The following TTLL11 variants were observed in gnomAD, a reference collection of about 807,000 sequenced individuals.
The protein encoded by TTLL11 is tubulin polyglutamylase TTLL11.
TTLL11 carries 42 observed loss-of-function variants against 51.7 expected under a neutral mutation model. That is an observed-to-expected ratio of 0.81 (90% confidence interval 0.64 to 1.05). The LOEUF (loss-of-function observed/expected upper bound fraction) is 1.05, where lower values mean the gene tolerates loss of function less well. TTLL11 is among the 50% of genes least tolerant of loss of function. The probability of loss-of-function intolerance (pLI) is 0.00; values close to 1 mark genes in which losing one functional copy is unlikely to be tolerated. For missense variants in TTLL11, 799 were observed against 940.4 expected (o/e 0.85, Z 1.97); for synonymous variants, 381 against 383.5 (o/e 0.99, Z 0.08).
intron 6 of TTLL11, among the ~76,000 whole-genome samples, chr9:121,903,502 T>G (rs1279989712): frequency 6.6e-6 from 1 of 152,206 alleles, no homozygotes; most frequent in African/African-American, 2.4e-5. Context: ...GTCACTGAGA[T>G]GCTGTGTGAC....
rs115664761 is a variant in TTLL11, at chr9:121,976,124, A to G, written c.1270-1145T>C. ...GTTCAAAAAGGATGAACAGTTTCAC[A>G]TAGTTAAACCAAGCTCAGAGCCCTT... On this transcript the variant is annotated intron_variant, in intron 4 of 8. Transcript: ENST00000321582. Among the ~76,000 whole-genome samples, 285 of 152,316 alleles carry G rather than the reference A, an allele frequency of 1.9e-3. 1 individual carries two copies. The highest frequency in any genetic ancestry group is 6.8e-3 in the Middle Eastern group (2 of 294).
chr9:121,882,237 C>T (rs1161303597), intron 6 of TTLL11, among the ~76,000 whole-genome samples: 1 of 152,096 alleles, frequency 6.6e-6, no homozygotes, highest in East Asian at 1.9e-4. Context: ...TCCAGGGAGG[C>T]TAGGTCAAGG....
intron 6 of TTLL11, among the ~76,000 whole-genome samples, chr9:121,972,519 C>G (rs945061211): frequency 1.3e-5 from 2 of 152,232 alleles, no homozygotes; most frequent in African/African-American, 4.8e-5. Context: ...TACAGGTAAA[C>G]ATTCTCAGCC....
rs554804721 is a variant in TTLL11, at chr9:121,980,172, C to A, written c.1270-5193G>T. Among the ~76,000 whole-genome samples, 3 of 132,552 alleles carry A rather than the reference C, an allele frequency of 2.3e-5. No homozygotes were observed. In the South Asian group the frequency reaches 6.8e-4, roughly 30 times the overall value. The allele number at this position is 132,552 out of a possible 152,430, so 87.0% of individuals were successfully genotyped here. ...GCATTTGGTGATCTACCTAGGAGGG[C>A]CAGGGGGGCCTTTCTTTTTTCATTT... On this transcript the variant is annotated intron_variant, in intron 4 of 8. Transcript: ENST00000321582.
chr9:121,911,591 G>A (rs1001116326), intron 6 of TTLL11, among the ~76,000 whole-genome samples: 2 of 152,076 alleles, frequency 1.3e-5, no homozygotes, highest in African/African-American at 4.8e-5. Context: ...ATATACCATG[G>A]AATACTATGA....
Position 121,998,348 on chromosome 9 carries a change from G to A in TTLL11, c.694-8578C>T, listed in dbSNP as rs139163703. 3.6e-3 allele frequency among the ~76,000 whole-genome samples: 555 copies of A among 152,132 alleles called. 6 individuals are homozygous for A. The highest frequency in any genetic ancestry group is 0.011 in the African/African-American group (468 of 41,488). On this transcript the variant is annotated intron_variant, in intron 3 of 8. Coordinates refer to ENST00000321582, the MANE Select transcript of TTLL11 (RefSeq NM_001139442.2). ...GTCACCCAGGCTGGAGTGCAATGGC[G>A]TGATCTCGGCTCACTGCAACCTCCG...
chr9:121,937,960 C>T (rs1023364083), intron 6 of TTLL11, among the ~76,000 whole-genome samples: 1 of 152,088 alleles, frequency 6.6e-6, no homozygotes, highest in African/African-American at 2.4e-5. Flanking sequence ...CAGCTGACAT[C>T]ACACTCAACA....
intron 1 of TTLL11, among the ~76,000 whole-genome samples, chr9:122,072,843 A>T (rs1202378109): frequency 1.3e-5 from 2 of 151,972 alleles, no homozygotes; most frequent in Non-Finnish European, 2.9e-5. Context: ...TCCCTGTAAC[A>T]TCGCGCTTCC....
intron 6 of TTLL11, among the ~76,000 whole-genome samples, chr9:121,878,962 T>C (rs1170490157): frequency 1.3e-5 from 2 of 152,182 alleles, no homozygotes; most frequent in African/African-American, 4.8e-5. Flanking sequence ...CAGGGCATGG[T>C]TGAAATCCCA....
intron 6 of TTLL11, among the ~76,000 whole-genome samples, chr9:121,935,377 A>T (rs1841163355): frequency 6.6e-6 from 1 of 152,198 alleles, no homozygotes; most frequent in South Asian, 2.1e-4. Flanking sequence ...TGATGACAAT[A>T]CTTTTGACTC....
chr9:121,826,479 A>ATATATATATGTGTG lies in TTLL11; in HGVS notation c.1841-3601_1841-3600insCACACATATATATA, dbSNP rs546692201. 5.5e-4 allele frequency among the ~76,000 whole-genome samples: 29 copies of ATATATATATGTGTG among 52,616 alleles called. No individual in the cohort carries two copies. The Middle Eastern group carries it at 0.031, about 56-fold the overall frequency. 34.5% of individuals were successfully genotyped at this position (52,616 alleles called of 152,430 possible). ...TATATATATGTGTGTATATATATAT[A>ATATATATATGTGTG]TGTATATATATATATGTGTGTGTAT... On this transcript the variant is annotated intron_variant, in intron 8 of 8. Coordinates refer to ENST00000321582, the MANE Select transcript of TTLL11 (RefSeq NM_001139442.2).
chr9:121,847,125 G>A (rs1837538921), intron 8 of TTLL11, among the ~76,000 whole-genome samples: 1 of 151,422 alleles, frequency 6.6e-6, no homozygotes, highest in Non-Finnish European at 1.5e-5. Context: ...CAGAAGAATG[G>A]CGTGAACCCG....
intron 6 of TTLL11, among the ~76,000 whole-genome samples, chr9:121,956,757 G>C (rs1842032932): frequency 6.6e-6 from 1 of 152,246 alleles, no homozygotes; most frequent in South Asian, 2.1e-4. Flanking sequence ...AAACATGTCA[G>C]AAATGCAAAT....
chr9:121,904,176 ATTC>A (rs1352780357), intron 6 of TTLL11, among the ~76,000 whole-genome samples: 1 of 150,090 alleles, frequency 6.7e-6, no homozygotes, highest in African/African-American at 2.5e-5. Flanking sequence ...GCTTTGATAC[ATTC>A]TTTTTTTTTT....
intron 7 of TTLL11, among the ~76,000 whole-genome samples, chr9:121,863,826 G>A (rs1838095527): frequency 6.6e-6 from 1 of 152,178 alleles, no homozygotes; most frequent in Admixed American, 6.5e-5. Flanking sequence ...GAGATGGGAC[G>A]TGACTTGCCC....
intron 8 of TTLL11, among the ~76,000 whole-genome samples, chr9:121,831,252 G>A (rs947406821): frequency 6.6e-6 from 1 of 152,218 alleles, no homozygotes; most frequent in Non-Finnish European, 1.5e-5. Context: ...CCTCACCCTG[G>A]GGATTCTGTC....
At chr9:121,848,303 T>C (rs942452414) in intron 8 of TTLL11, among the ~76,000 whole-genome samples, 7 of 152,082 alleles carry the variant, frequency 4.6e-5, no homozygotes, top group African/African-American at 1.7e-4. Context: ...AAAAATCTTA[T>C]AGTTTAATGG....
At chr9:121,993,155 G>T (rs1843161686) in intron 3 of TTLL11, among the ~76,000 whole-genome samples, 1 of 152,146 alleles carries the variant, frequency 6.6e-6, no homozygotes, top group South Asian at 2.1e-4. Context: ...AATGATTATT[G>T]GGTACAGAGT....
chr9:121,905,447 G>A (rs1474035934), intron 6 of TTLL11, among the ~76,000 whole-genome samples: 1 of 151,900 alleles, frequency 6.6e-6, no homozygotes, highest in African/African-American at 2.4e-5. Flanking sequence ...CATCTCCAGG[G>A]TTCAAGCTAT....
Sources: allele counts gnomAD v4.1 joint callset (sites outside exome capture counted in the v4.1 genomes callset), GRCh38; gene constraint gnomAD v4.1.1; transcripts MANE v1.5; gene names NCBI Gene and HGNC (gene_info 2026-07-23, HGNC 2026-07-21).